FAM8A1: variants seen among roughly 807,000 people sequenced by gnomAD.
The protein encoded by FAM8A1 is family with sequence similarity 8 member A1, also known as protein FAM8A1.
A neutral mutation model predicts 38.3 loss-of-function variants in FAM8A1; 18 were observed. That is an observed-to-expected ratio of 0.47 (90% CI 0.33 to 0.70). The LOEUF is 0.70. FAM8A1 is among the 30% of genes least tolerant of loss of function. FAM8A1 has a pLI of 0.03. For synonymous variants in FAM8A1, 246 were observed against 234.4 expected (o/e 1.05, Z -0.45); for missense variants, 559 against 559.6 (o/e 1.00, Z 0.01).
chr6:17,608,172 A>C, intron 4 of FAM8A1, 23 bp from the exon 5 acceptor site: 1 of 1,612,056 alleles, frequency 6.2e-7, no homozygotes, highest in South Asian at 1.1e-5. Context: ...AACTTACCTG[A>C]TATTTTTGTT....
At chr6:17,607,986 C>T (rs1764080339) in intron 4 of FAM8A1, among the ~76,000 whole-genome samples, 1 of 152,056 alleles carries the variant, frequency 6.6e-6, no homozygotes, top group African/African-American at 2.4e-5. Context: ...AGAAATAGCC[C>T]AGGTGGTTTG....
rs760779863 is a variant in FAM8A1, at chr6:17,600,867, C to G, written c.458C>G (p.Ser153Trp). 1 of 1,582,338 alleles carries G rather than the reference C, an allele frequency of 6.3e-7. No homozygotes were observed. Among genetic ancestry groups the G allele is most frequent in the South Asian group, 1.1e-5 (1 of 89,666 alleles). ...CAGCCCTCCCCGCAGAGCTTCCCTT[C>G]GGGCGGCGCTGCAGTCCCCCAGGCC... The part of the protein sequence containing the change: ...SPQPSPQSFP[S>W]GGAAVPQAAA... The change falls in exon 1 of 5, where the codon TCG becomes TGG. Residue 153 changes from serine to tryptophan, a missense_variant. Coordinates refer to ENST00000259963, the MANE Select transcript of FAM8A1 (RefSeq NM_016255.3).
chr6:17,606,021 CT>C lies in FAM8A1; in HGVS notation c.1097+12del, dbSNP rs772376682. 5 of 1,478,314 alleles carry C rather than the reference CT, an allele frequency of 3.4e-6. No homozygotes were observed. The Admixed American group carries it at 6.2e-5, about 18-fold the overall frequency. 91.6% of individuals were successfully genotyped at this position (1,478,314 alleles called of 1,614,324 possible). A position where few individuals can be genotyped will look rare whatever the true frequency, so the allele number is the denominator to read the frequency against. On this transcript the variant is annotated intron_variant, in intron 4 of 4. Transcript: ENST00000259963. ...AAATGTTAGCATTACAACGTAAGTC[CT>C]TTTCTTAGCTTAATCTACTACATAC...
In FAM8A1 at chr6:17,610,185, A is replaced by G. The variant is rs1764119775; in HGVS notation, c.*1846A>G. The G allele has an allele frequency of 6.6e-6, 1 of 152,130 alleles. No individual in the cohort carries two copies. Among genetic ancestry groups the G allele is most frequent in the Non-Finnish European group, 1.5e-5 (1 of 68,002 alleles). 9.4% of individuals were successfully genotyped at this position (152,130 alleles called of 1,614,324 possible). On this transcript the variant is annotated 3_prime_UTR_variant, in exon 5 of 5. Transcript: ENST00000259963. ...TATACACCACTTTTGCCGCTGGGGA[A>G]TTCAAGTTGAAATGTCCCTCAATCA...
intron 2 of FAM8A1, among the ~76,000 whole-genome samples, chr6:17,604,304 G>C (rs902959597): frequency 2.0e-5 from 3 of 152,082 alleles, no homozygotes; most frequent in African/African-American, 7.2e-5. Context: ...AAGTAGGTGG[G>C]ACTGCAGGTG....
rs778191179 is a variant in FAM8A1 at position 17,600,945 on chromosome 6, G to T, written c.536G>T (p.Ser179Ile). The part of the protein sequence containing the change: ...LGYYNPFYFL[S>I]PGAAGPDPRT... ...TATTACAACCCCTTCTACTTCCTGA[G>T]CCCCGGGGCCGCGGGGCCTGACCCG... The change falls in exon 1 of 5, where the codon AGC (serine) becomes ATC (isoleucine). Residue 179 changes from serine (S) to isoleucine (I), a missense_variant. Coordinates refer to ENST00000259963, the MANE Select transcript of FAM8A1 (RefSeq NM_016255.3). 6.3e-7 allele frequency: 1 copy of T among 1,592,308 alleles called. No homozygotes were observed. Among genetic ancestry groups the T allele is most frequent in the South Asian group, 1.1e-5 (1 of 89,564 alleles).
Position 17,605,868 on chromosome 6 carries a change from C to T in FAM8A1, c.958-6C>T. ...AGTAATTTTTAAATCATCCTTCTTT[C>T]CTTAGATAATTTGCATTTGGGGAGC... is the stretch of plus-strand genomic sequence containing the variant. On this transcript the variant is annotated splice_region_variant and splice_polypyrimidine_tract_variant and intron_variant, in intron 3 of 4. Transcript: ENST00000259963. The T allele has an allele frequency of 6.7e-7, 1 of 1,482,156 alleles. No homozygotes were observed. The highest frequency in any genetic ancestry group is 9.0e-7 in the Non-Finnish European group (1 of 1,105,042). The allele number at this position is 1,482,156 out of a possible 1,614,324, so 91.8% of individuals were successfully genotyped here.
rs112417120 is a variant in FAM8A1, at chr6:17,606,197, A to ATT, written c.1097+202_1097+203dup. 8.1e-4 allele frequency among the ~76,000 whole-genome samples: 106 copies of ATT among 131,466 alleles called. 2 individuals carry two copies. Among genetic ancestry groups the ATT allele is most frequent in the African/African-American group, 1.4e-3 (47 of 33,006 alleles). 86.2% of individuals were successfully genotyped at this position (131,466 alleles called of 152,430 possible). On this transcript the variant is annotated intron_variant, in intron 4 of 4. Coordinates refer to ENST00000259963, the MANE Select transcript of FAM8A1 (RefSeq NM_016255.3). ...TTTTACAGTACACATTTTCAAGATG[A>ATT]TTTTTTTTTTTTTTTTTTTGTGAGA...
In FAM8A1 at chr6:17,600,586, G is replaced by T; in HGVS notation, c.177G>T (p.Ala59=). 1 of 1,490,136 alleles carries T rather than the reference G, an allele frequency of 6.7e-7. No individual in the cohort carries two copies. The highest frequency in any genetic ancestry group is 8.9e-7 in the Non-Finnish European group (1 of 1,125,002). The allele number at this position is 1,490,136 out of a possible 1,614,324, so 92.3% of individuals were successfully genotyped here. A position where few individuals can be genotyped will look rare whatever the true frequency, so the allele number is the denominator to read the frequency against. Residue 59 remains alanine (A), a synonymous_variant, in exon 1 of 5, where the codon GCG becomes GCT. Coordinates refer to ENST00000259963, the MANE Select transcript of FAM8A1 (RefSeq NM_016255.3). ...GCCGGCCCACAGCCCCGGGCCTCGC[G>T]GCTGCCGCCGCAGCCGACAAATTGG... ...APGRPTAPGL[A]AAAAADKLEP...
At position 17,610,905 on chromosome 6, in the gene FAM8A1, A is replaced by T. The variant is rs1170254953; in HGVS notation, c.*2566A>T. 1 of 152,152 alleles carries T rather than the reference A, an allele frequency of 6.6e-6. No individual in the cohort carries two copies. Among genetic ancestry groups the T allele is most frequent in the East Asian group, 1.9e-4 (1 of 5,202 alleles). The allele number at this position is 152,152 out of a possible 1,614,324, so 9.4% of individuals were successfully genotyped here. ...CCAGTAAAATTATCCTGAGTAGCTA[A>T]TGCACCTTGAGAAAAATCTGGCATA... On this transcript the variant is annotated 3_prime_UTR_variant, in exon 5 of 5. Coordinates refer to ENST00000259963, the MANE Select transcript of FAM8A1 (RefSeq NM_016255.3).
In FAM8A1 at chr6:17,600,435, G is replaced by A; in HGVS notation, c.26G>A (p.Arg9Gln). The A allele has an allele frequency of 6.9e-7, 1 of 1,450,220 alleles. No individual in the cohort carries two copies. The highest frequency in any genetic ancestry group is 9.1e-7 in the Non-Finnish European group (1 of 1,102,430). 89.8% of individuals were successfully genotyped at this position (1,450,220 alleles called of 1,614,324 possible). Residue 9 changes from arginine (R) to glutamine (Q), a missense_variant, in exon 1 of 5, where the codon CGA becomes CAA. Physicochemically the swap from Arg to Gln is conservative, Grantham distance 43 (BLOSUM62 1). Transcript: ENST00000259963. MAEGPEEARGHPPGQDDGG... is the reference protein window; with the variant it reads MAEGPEEAQGHPPGQDDGG... The stretch of plus-strand genomic sequence containing the variant: ...ATGGCCGAGGGGCCCGAGGAAGCCC[G>A]AGGCCACCCTCCCGGGCAGGACGAT...
In FAM8A1 at chr6:17,608,310, A is replaced by G. The variant is rs747888223; in HGVS notation, c.1213A>G (p.Ile405Val). Residue 405 changes from isoleucine to valine, a missense_variant, in exon 5 of 5, where the codon ATT becomes GTT. This residue lies in a region of FAM8A1 where 166 missense variants were observed against 220.8 expected (regional missense o/e 0.75). Transcript: ENST00000259963. ...RTAYDIVAGT[I>V]VVKRNGVR ...AGCTTATGACATTGTAGCAGGAACC[A>G]TTGTGGTAAAAAGAAATGGGGTCAG... 1 of 1,612,110 alleles carries G rather than the reference A, an allele frequency of 6.2e-7. No homozygotes were observed. Among genetic ancestry groups the G allele is most frequent in the South Asian group, 1.1e-5 (1 of 90,870 alleles).
Position 17,600,432 on chromosome 6 carries a change from C to A in FAM8A1, c.23C>A (p.Ala8Asp), listed in dbSNP as rs1661277981. ...ACGATGGCCGAGGGGCCCGAGGAAG[C>A]CCGAGGCCACCCTCCCGGGCAGGAC... MAEGPEE[A>D]RGHPPGQDDG... is the part of the protein sequence containing the mutation. Residue 8 changes from alanine (A) to aspartate (D), a missense_variant, in exon 1 of 5, where the codon GCC (alanine) becomes GAC (aspartate). Coordinates refer to ENST00000259963, the MANE Select transcript of FAM8A1 (RefSeq NM_016255.3). 1.4e-6 allele frequency: 2 copies of A among 1,447,652 alleles called. No individual in the cohort carries two copies. Among genetic ancestry groups the A allele is most frequent in the Non-Finnish European group, 1.8e-6 (2 of 1,101,212 alleles). 89.7% of individuals were successfully genotyped at this position (1,447,652 alleles called of 1,614,324 possible).
intron 2 of FAM8A1, 69 bp downstream of exon 2, chr6:17,602,779 G>A: frequency 6.7e-7 from 1 of 1,500,830 alleles, no homozygotes; most frequent in Non-Finnish European, 9.0e-7. Flanking sequence ...ATTACATTCT[G>A]TTTGTCTACA....
In FAM8A1 at chr6:17,600,850, C is replaced by T. The variant is rs2113743633; in HGVS notation, c.441C>T (p.Ser147=). 1 of 1,609,666 alleles carries T rather than the reference C, an allele frequency of 6.2e-7. No individual in the cohort carries two copies. Among genetic ancestry groups the T allele is most frequent in the Non-Finnish European group, 8.5e-7 (1 of 1,179,510 alleles). The change falls in exon 1 of 5, where the codon TCC becomes TCT. Residue 147 remains serine, a synonymous_variant. Coordinates refer to ENST00000259963, the MANE Select transcript of FAM8A1 (RefSeq NM_016255.3). Reference sequence around the variant, plus strand: ...CAGCCTACTGCAGCCCCCAGCCCTCCCCGCAGAGCTTCCCTTCGGGCGGCG... The same window carrying T: ...CAGCCTACTGCAGCCCCCAGCCCTCTCCGCAGAGCTTCCCTTCGGGCGGCG... ...AFPAYCSPQP[S]PQSFPSGGAA...
At position 17,610,462 on chromosome 6, in the gene FAM8A1, GC is replaced by G. The variant is rs1169496595; in HGVS notation, c.*2125del. On this transcript the variant is annotated 3_prime_UTR_variant, in exon 5 of 5. Coordinates refer to ENST00000259963, the MANE Select transcript of FAM8A1 (RefSeq NM_016255.3). ...TACAAAATACATAGAAGTATTATTT[GC>G]CTTCATAATAGAACCCAAGAGTCTG... 6.6e-6 allele frequency: 1 copy of G among 151,972 alleles called. No individual in the cohort carries two copies. The highest frequency in any genetic ancestry group is 1.5e-5 in the Non-Finnish European group (1 of 67,970). 9.4% of individuals were successfully genotyped at this position (151,972 alleles called of 1,614,324 possible).
Position 17,600,399 on chromosome 6 carries a change from C to G in FAM8A1, c.-11C>G. On this transcript the variant is annotated 5_prime_UTR_variant, in exon 1 of 5. Coordinates refer to ENST00000259963, the MANE Select transcript of FAM8A1 (RefSeq NM_016255.3). ...GTGACAGGTATCCCAGAGGGTGCTG[C>G]TGAGGCGACGATGGCCGAGGGGCCC... 7.1e-7 allele frequency: 1 copy of G among 1,408,414 alleles called. No individual in the cohort carries two copies. The highest frequency in any genetic ancestry group is 1.5e-5 in the South Asian group (1 of 64,882). 87.2% of individuals were successfully genotyped at this position (1,408,414 alleles called of 1,614,324 possible).
chr6:17,604,598 C>T (rs777142141), intron 2 of FAM8A1, among the ~76,000 whole-genome samples: 10 of 152,176 alleles, frequency 6.6e-5, no homozygotes, highest in Non-Finnish European at 1.2e-4. Context: ...TCACAGCACT[C>T]ATCCCACTTT....
intron 1 of FAM8A1, among the ~76,000 whole-genome samples, 155 bp from the exon 2 acceptor site, chr6:17,602,435 T>C (rs943639666): frequency 6.6e-6 from 1 of 152,220 alleles, no homozygotes; most frequent in African/African-American, 2.4e-5. Flanking sequence ...CATGGATTCT[T>C]GGTGGAATCA....
Sources: allele counts gnomAD v4.1 joint callset (sites outside exome capture counted in the v4.1 genomes callset), GRCh38; gene constraint gnomAD v4.1.1; regional missense constraint gnomAD v4.1.1; transcripts MANE v1.5; gene names NCBI Gene and HGNC (gene_info 2026-07-23, HGNC 2026-07-21).